The following SDCCAG8 variants were observed in gnomAD, a reference collection of about 807,000 sequenced individuals.
SDCCAG8 encodes the protein serologically defined colon cancer antigen 8.
A neutral mutation model predicts 101.8 loss-of-function variants in SDCCAG8; 74 were observed. That is an observed-to-expected ratio of 0.73 (90% confidence interval 0.60 to 0.88). The LOEUF (loss-of-function observed/expected upper bound fraction) is 0.88. SDCCAG8 is among the 40% of genes least tolerant of loss of function. The probability of loss-of-function intolerance (pLI) is 0.00; values close to 1 mark genes in which losing one functional copy is unlikely to be tolerated. For synonymous variants in SDCCAG8, 281 were observed against 292.9 expected (o/e 0.96, Z 0.41); for missense variants, 787 against 822.6 (o/e 0.96, Z 0.53).
intron 16 of SDCCAG8, among the ~76,000 whole-genome samples, chr1:243,453,551 C>T (rs1185328513): frequency 2.0e-5 from 3 of 152,122 alleles, no homozygotes; most frequent in African/African-American, 4.8e-5. Context: ...ATCACAAACC[C>T]GCCTCTGTAC....
intron 12 of SDCCAG8, among the ~76,000 whole-genome samples, chr1:243,350,033 C>T (rs575894239): frequency 1.3e-5 from 2 of 152,246 alleles, no homozygotes; most frequent in South Asian, 4.1e-4. Flanking sequence ...TTGCTCATAT[C>T]TACAGCAGTG....
Position 243,286,374 on chromosome 1 carries a change from G to T in SDCCAG8, c.523G>T (p.Glu175Ter), listed in dbSNP as rs767375284. Residue 175 changes from glutamate to a stop codon, truncating the protein, a stop_gained, in exon 5 of 18, where the codon GAA becomes TAA. Coordinates refer to ENST00000366541, the MANE Select transcript of SDCCAG8 (RefSeq NM_006642.5). LOFTEE classifies it high-confidence loss of function. ...TCAAAGACAAGAGGAGACACTGAGGGAACAAACACTTCTGGATGCATCCGT... is the reference window on the plus strand; with the variant it reads ...TCAAAGACAAGAGGAGACACTGAGGTAACAAACACTTCTGGATGCATCCGT... The part of the protein sequence containing the change: ...KSQRQEETLR[E>*]QTLLDASGNM... 3.7e-6 allele frequency: 6 copies of T among 1,614,012 alleles called. No individual in the cohort carries two copies. The South Asian group carries it at 6.6e-5, about 18-fold the overall frequency.
At chr1:243,487,758 A>T (rs1011307085) in intron 16 of SDCCAG8, 19 of 152,436 alleles carry the variant, frequency 1.2e-4, no homozygotes, top group African/African-American at 3.4e-4. Flanking sequence ...TCCTGGGAGC[A>T]TGCGTAGTGC....
chr1:243,462,846 C>CA (rs1370054710), intron 16 of SDCCAG8, among the ~76,000 whole-genome samples: 8 of 149,864 alleles, frequency 5.3e-5, no homozygotes, highest in African/African-American at 1.2e-4. Flanking sequence ...CATCTTTTGG[C>CA]AAAAAACAAA....
intron 9 of SDCCAG8, among the ~76,000 whole-genome samples, chr1:243,321,292 A>G (rs2073735150): frequency 6.6e-6 from 1 of 152,090 alleles, no homozygotes; most frequent in Non-Finnish European, 1.5e-5. Flanking sequence ...TTAGTTTTGA[A>G]AGAGGGGTAC....
rs1402862449 is a variant in SDCCAG8 at position 243,441,313 on chromosome 1, G to A, written c.1985+14755G>A. Among the ~76,000 whole-genome samples, 4 of 152,196 alleles carry A rather than the reference G, an allele frequency of 2.6e-5. No individual in the cohort carries two copies. In the East Asian group the frequency reaches 5.8e-4, roughly 22 times the overall value. On this transcript the variant is annotated intron_variant, in intron 16 of 17. Transcript: ENST00000366541. Reference sequence around the variant, plus strand: ...ACAGGGGATGGATGGGTATTAAGATGCCAAACGTGCTGTTCATGCTGAATT... The same window carrying A: ...ACAGGGGATGGATGGGTATTAAGATACCAAACGTGCTGTTCATGCTGAATT...
At chr1:243,289,224 A>T (rs1367900502) in intron 5 of SDCCAG8, among the ~76,000 whole-genome samples, 2 of 152,128 alleles carry the variant, frequency 1.3e-5, no homozygotes, top group African/African-American at 4.8e-5. Flanking sequence ...CCGCTGTCTG[A>T]GGTACAAGAA....
At chr1:243,404,653 G>A (rs920268669) in intron 13 of SDCCAG8, among the ~76,000 whole-genome samples, 3 of 152,054 alleles carry the variant, frequency 2.0e-5, no homozygotes, top group East Asian at 1.9e-4. Flanking sequence ...GTGCAAAGAC[G>A]GAGAGGTTAC....
intron 12 of SDCCAG8, among the ~76,000 whole-genome samples, chr1:243,362,983 C>A (rs533222121): frequency 6.6e-6 from 1 of 152,194 alleles, no homozygotes; most frequent in Admixed American, 6.5e-5. Flanking sequence ...TTGGGCCTGT[C>A]GTGTCAGCTT....
chr1:243,485,927 G>C (rs1464245137), intron 16 of SDCCAG8, among the ~76,000 whole-genome samples: 5 of 150,788 alleles, frequency 3.3e-5, no homozygotes, highest in Non-Finnish European at 7.4e-5. Flanking sequence ...GGCCGGGCGT[G>C]GTGGCTCACG....
chr1:243,362,992 T>C (rs1573569947), intron 12 of SDCCAG8, among the ~76,000 whole-genome samples: 1 of 152,352 alleles, frequency 6.6e-6, no homozygotes, highest in South Asian at 2.1e-4. Context: ...TCGTGTCAGC[T>C]TGTCCGAGCT....
intron 16 of SDCCAG8, among the ~76,000 whole-genome samples, chr1:243,483,434 G>T (rs991094462): frequency 6.6e-6 from 1 of 152,086 alleles, no homozygotes; most frequent in Non-Finnish European, 1.5e-5. Flanking sequence ...TCTTGCCTCG[G>T]GGGGAGGGTC....
At chr1:243,290,651 C>T (rs187343772) in intron 5 of SDCCAG8, among the ~76,000 whole-genome samples, 14 of 152,258 alleles carry the variant, frequency 9.2e-5, no homozygotes, top group Admixed American at 2.0e-4. Flanking sequence ...CTGAGACCCC[C>T]CTGCAGGCAC....
chr1:243,318,638 G>A (rs1303896606), intron 9 of SDCCAG8: 7 of 876,164 alleles, frequency 8.0e-6, no homozygotes, highest in African/African-American at 7.3e-5. Context: ...TGAAACTTAG[G>A]TTCAGTTATG....
chr1:243,256,428 G>A (rs1394067842), intron 1 of SDCCAG8, among the ~76,000 whole-genome samples, 188 bp downstream of exon 1: 1 of 152,232 alleles, frequency 6.6e-6, no homozygotes, highest in African/African-American at 2.4e-5. Flanking sequence ...AAGCAACGAT[G>A]TTTCCTCAGA....
At chr1:243,379,108 C>T (rs543895573) in intron 13 of SDCCAG8, among the ~76,000 whole-genome samples, 1 of 152,314 alleles carries the variant, frequency 6.6e-6, no homozygotes, top group East Asian at 1.9e-4. Flanking sequence ...AGGTGATTCT[C>T]TATCAATATA....
In SDCCAG8 at chr1:243,256,221, G is replaced by GT; in HGVS notation, c.49dup (p.Tyr17LeufsTer37). ...CTACCCTGGAGGAGATTCTGGGGCA[G>GT]TATCAACGGAGTCTCCGGGGTGAGT... On this transcript the variant is annotated frameshift_variant, in exon 1 of 18. Transcript: ENST00000366541. LOFTEE classifies it high-confidence loss of function. 6.2e-7 allele frequency: 1 copy of GT among 1,614,214 alleles called. No individual in the cohort carries two copies. The highest frequency in any genetic ancestry group is 8.5e-7 in the Non-Finnish European group (1 of 1,180,000).
At chr1:243,299,791 A>G (rs551887355) in intron 6 of SDCCAG8, among the ~76,000 whole-genome samples, 1 of 152,080 alleles carries the variant, frequency 6.6e-6, no homozygotes, top group African/African-American at 2.4e-5. Context: ...TAAATACACC[A>G]TCTTGCTATT....
chr1:243,431,583 A>G (rs867021166), intron 16 of SDCCAG8, among the ~76,000 whole-genome samples: 2 of 152,208 alleles, frequency 1.3e-5, no homozygotes, highest in Non-Finnish European at 2.9e-5. Context: ...TAAATTTTCA[A>G]CTGGTGGTTT....
Sources: allele counts gnomAD v4.1 joint callset (sites outside exome capture counted in the v4.1 genomes callset), GRCh38; gene constraint gnomAD v4.1.1; transcripts MANE v1.5; gene names NCBI Gene and HGNC (gene_info 2026-07-23, HGNC 2026-07-21).